CDK11A: variants seen among roughly 807,000 people sequenced by gnomAD.
The protein encoded by CDK11A is cyclin-dependent kinase 11A.
Under a neutral mutation model 83.6 loss-of-function variants are expected in CDK11A, and 55 were observed. The ratio of observed to expected loss-of-function variants is 0.66; its 90% CI spans 0.53 to 0.82. The LOEUF is 0.82. CDK11A is among the 40% of genes least tolerant of loss of function. The pLI, the probability that CDK11A is intolerant of heterozygous loss-of-function variation, is 0.00. For synonymous variants in CDK11A, 247 were observed against 302.7 expected (o/e 0.82, Z 1.91); for missense variants, 564 against 810.1 (o/e 0.70, Z 3.69).
In CDK11A at chr1:1,703,510, G is replaced by T. The variant is rs1570366265; in HGVS notation, c.2026C>A (p.Leu676Met). 1 of 1,545,506 alleles carries T rather than the reference G, an allele frequency of 6.5e-7. No individual in the cohort carries two copies. ...AGGTCGAAGCCCTGGTCTGAGAGCA[G>T]AGCCCCGAAGCGCTTGCGGAGGTTG... is the stretch of plus-strand genomic sequence containing the variant. ...YNNLRKRFGA[L>M]LSDQGFDLMN... is the part of the protein sequence containing the mutation. The change falls in exon 18 of 20, where the codon CTG becomes ATG. Residue 676 changes from leucine to methionine, a missense_variant. Physicochemically the swap from Leu to Met is conservative, Grantham distance 15. Coordinates refer to ENST00000404249, the MANE Select transcript of CDK11A (RefSeq NM_024011.4).
chr1:1,706,821 G>C (rs989730721), intron 11 of CDK11A, among the ~76,000 whole-genome samples: 3 of 150,540 alleles, frequency 2.0e-5, no homozygotes, highest in African/African-American at 7.4e-5. Flanking sequence ...GCATGCGCCA[G>C]AGAGAACCTC....
rs559246058 is a variant in CDK11A at position 1,707,037 on chromosome 1, C to T, written c.1245+372G>A. On this transcript the variant is annotated intron_variant, in intron 11 of 19. Coordinates refer to ENST00000404249, the MANE Select transcript of CDK11A (RefSeq NM_024011.4). ...CCCCATCCAAGCCCTGCACAGATGC[C>T]GGTAACAAGGCCTTGGTGCCTACAT... Among the ~76,000 whole-genome samples, 10 of 143,272 alleles carry T rather than the reference C, an allele frequency of 7.0e-5. No homozygotes were observed. The East Asian group carries it at 1.8e-3, about 26-fold the overall frequency. The allele number at this position is 143,272 out of a possible 152,430, so 94.0% of individuals were successfully genotyped here.
At position 1,721,730 on chromosome 1, in the gene CDK11A, G is replaced by A. The variant is rs761505045; in HGVS notation, c.112-19C>T. The stretch of plus-strand genomic sequence containing the variant: ...CATCAGACTAAGAAGCAAAGAGAAA[G>A]TTAATCATTTTCTTTATAAGTTTTT... On this transcript the variant is annotated intron_variant, in intron 2 of 19. Coordinates refer to ENST00000404249, the MANE Select transcript of CDK11A (RefSeq NM_024011.4). 8.4e-6 allele frequency: 13 copies of A among 1,539,294 alleles called. No homozygotes were observed. The highest frequency in any genetic ancestry group is 6.9e-5 in the African/African-American group (5 of 72,956).
At chr1:1,721,901 C>A (rs1163784285) in intron 2 of CDK11A, 190 bp from the exon 3 acceptor site, 2 of 654,532 alleles carry the variant, frequency 3.1e-6, no homozygotes, top group East Asian at 7.2e-5. Context: ...TTGTTAATCC[C>A]AGCACTTTGG....
In CDK11A at chr1:1,704,340, C is replaced by G. The variant is rs1286422471; in HGVS notation, c.1569G>C (p.Glu523Asp). The G allele has an allele frequency of 4.1e-5, 66 of 1,607,092 alleles. 2 individuals carry two copies. Among genetic ancestry groups the G allele is most frequent in the Non-Finnish European group, 4.7e-5 (55 of 1,176,120 alleles). Residue 523 changes from glutamate (E) to aspartate (D), a missense_variant, in exon 15 of 20, where the codon GAG becomes GAC. Around this residue, in one of 5 missense-constraint regions of CDK11A, gnomAD observed 361 missense variants for 402.7 expected, o/e 0.90. Coordinates refer to ENST00000404249, the MANE Select transcript of CDK11A (RefSeq NM_024011.4). The part of the protein sequence containing the change: ...ETMKQPFLPG[E>D]VKTLMIQLLR... Reference sequence around the variant, plus strand: ...GCAGCTGGATCATCAGGGTCTTCACCTCCCCTGGGAGGGAGGGAGGCTCCC... The same window carrying G: ...GCAGCTGGATCATCAGGGTCTTCACGTCCCCTGGGAGGGAGGGAGGCTCCC...
intron 14 of CDK11A, 70 bp from the exon 15 acceptor site, chr1:1,704,414 G>A (rs1570371978): frequency 6.3e-6 from 10 of 1,581,042 alleles, no homozygotes; most frequent in South Asian, 1.1e-5. Context: ...TGGCCCGCTC[G>A]CCTCGGCAGC....
At chr1:1,716,214 C>G in intron 5 of CDK11A, 132 bp downstream of exon 5, 4 of 1,013,962 alleles carry the variant, frequency 3.9e-6, no homozygotes, top group Non-Finnish European at 5.9e-6. Flanking sequence ...GTCCAGCGTT[C>G]ACTGTGCTGT....
chr1:1,706,962 T>C (rs1644336588), intron 11 of CDK11A, among the ~76,000 whole-genome samples: 1 of 143,872 alleles, frequency 7.0e-6, no homozygotes, highest in Non-Finnish European at 1.5e-5. Flanking sequence ...GATAGCTGCC[T>C]GAGCAAAAGG....
intron 3 of CDK11A, among the ~76,000 whole-genome samples, chr1:1,720,076 T>A (rs961488181): frequency 6.6e-6 from 1 of 150,840 alleles, no homozygotes; most frequent in East Asian, 1.9e-4. Context: ...ATCTTATTTA[T>A]TTAATTTAAT....
At chr1:1,721,463 T>C (rs1644903615) in intron 3 of CDK11A, 133 bp downstream of exon 3, 3 of 1,016,700 alleles carry the variant, frequency 3.0e-6, no homozygotes, top group Non-Finnish European at 4.2e-6. Context: ...CAACACGCCC[T>C]GTCACGGTAA....
In CDK11A at chr1:1,708,920, CCTCT is replaced by C. The variant is rs1644428068; in HGVS notation, c.873_876del (p.Glu292ArgfsTer45). On this transcript the variant is annotated frameshift_variant, in exon 9 of 20. Coordinates refer to ENST00000404249, the MANE Select transcript of CDK11A (RefSeq NM_024011.4). LOFTEE classifies it high-confidence loss of function. ...TCCTCCTCCTCCTCTTCCTCCTCCT[CCTCT>C]TCTTCCTCAGAACCTGAGCCTGATT... The C allele has an allele frequency of 7.0e-6, 6 of 857,822 alleles. No individual in the cohort carries two copies. The highest frequency in any genetic ancestry group is 1.1e-5 in the Non-Finnish European group (6 of 536,028). The allele number at this position is 857,822 out of a possible 1,614,324, so 53.1% of individuals were successfully genotyped here.
At chr1:1,718,467 A>C (rs1274548151) in intron 4 of CDK11A, among the ~76,000 whole-genome samples, 1 of 149,842 alleles carries the variant, frequency 6.7e-6, no homozygotes, top group Non-Finnish European at 1.5e-5. Flanking sequence ...GCACGCTTTC[A>C]GCTAGAGTTT....
intron 10 of CDK11A, 77 bp downstream of exon 10, chr1:1,708,103 G>C: frequency 5.0e-6 from 8 of 1,589,622 alleles, no homozygotes; most frequent in Admixed American, 1.7e-5. Context: ...CGCCGCGCAG[G>C]ACCGGCTGTC....
At chr1:1,723,253 AAG>A (rs1213045501) in intron 1 of CDK11A, among the ~76,000 whole-genome samples, 106 of 88,780 alleles carry the variant, frequency 1.2e-3, no homozygotes, top group Non-Finnish European at 2.3e-3. Context: ...AAAAAAAAAA[AAG>A]GTAAGCTCTA....
intron 11 of CDK11A, among the ~76,000 whole-genome samples, chr1:1,706,657 C>G (rs1644323084): frequency 6.6e-6 from 1 of 151,424 alleles, no homozygotes; most frequent in Non-Finnish European, 1.5e-5. Context: ...GCATGATGCC[C>G]CATGCCAGGG....
chr1:1,715,058 C>T (rs552795943), intron 5 of CDK11A, among the ~76,000 whole-genome samples: 1 of 146,916 alleles, frequency 6.8e-6, no homozygotes, highest in African/African-American at 2.5e-5. Flanking sequence ...CCAGTGGAAC[C>T]TCCGTGCTTC....
chr1:1,704,526 C>G lies in CDK11A; in HGVS notation c.1564+24G>C, dbSNP rs768866984. On this transcript the variant is annotated intron_variant, in intron 14 of 19. Coordinates refer to ENST00000404249, the MANE Select transcript of CDK11A (RefSeq NM_024011.4). Reference sequence around the variant, plus strand: ...GACACTGCCCCCACTTGTACGCAGACAGGACCCCGGGGCGCGGCTGTACCT... The same window carrying G: ...GACACTGCCCCCACTTGTACGCAGAGAGGACCCCGGGGCGCGGCTGTACCT... 1.9e-6 allele frequency: 3 copies of G among 1,601,144 alleles called. No homozygotes were observed. In the South Asian group the frequency reaches 3.4e-5, roughly 18 times the overall value.
Position 1,704,520 on chromosome 1 carries a change from C to T in CDK11A, c.1564+30G>A, listed in dbSNP as rs775942486. On this transcript the variant is annotated intron_variant, in intron 14 of 19. Transcript: ENST00000404249. ...GACCAGGACACTGCCCCCACTTGTA[C>T]GCAGACAGGACCCCGGGGCGCGGCT... The T allele has an allele frequency of 1.1e-4, 182 of 1,597,470 alleles. 11 individuals are homozygous for T. Among genetic ancestry groups the T allele is most frequent in the Admixed American group, 4.5e-4 (26 of 57,788 alleles).
chr1:1,720,696 CTTA>C (rs113766033), intron 3 of CDK11A, among the ~76,000 whole-genome samples: 1 of 149,398 alleles, frequency 6.7e-6, no homozygotes, highest in Admixed American at 6.7e-5. Context: ...CGCACCCGGA[CTTA>C]TTATTTTTTT....
Sources: gnomAD v4.1 joint callset for allele counts (sites outside exome capture counted in the v4.1 genomes callset) on GRCh38, gnomAD v4.1.1 for gene constraint, gnomAD v4.1.1 regional missense constraint, MANE v1.5 for transcripts, NCBI Gene and HGNC (gene_info 2026-07-23, HGNC 2026-07-21) for gene names.